EFNA5: variants seen among roughly 807,000 people sequenced by gnomAD.
EFNA5 encodes the protein ephrin A5.
In EFNA5, 5 loss-of-function variants were observed where a neutral mutation model predicts 22.9. The observed-to-expected ratio is 0.22, with a 90% CI of 0.11 to 0.46. The LOEUF is 0.46. EFNA5 is among the 20% of genes least tolerant of loss of function. The probability of loss-of-function intolerance (pLI) is 0.99; values close to 1 mark genes in which losing one functional copy is unlikely to be tolerated. For missense variants in EFNA5, 237 were observed against 293.3 expected, an observed-to-expected ratio of 0.81 and a Z score of 1.40; for synonymous variants, 113 against 112.2, an observed-to-expected ratio of 1.01 and a Z score of -0.04.
chr5:107,569,367 G>GTATA (rs377698812), intron 1 of EFNA5, among the ~76,000 whole-genome samples: 38 of 127,860 alleles, frequency 3.0e-4, no homozygotes, highest in African/African-American at 1.3e-3. Context: ...ATATATACGT[G>GTATA]TATATATATA....
At chr5:107,408,429 T>C (rs987466992) in intron 2 of EFNA5, among the ~76,000 whole-genome samples, 10 of 152,206 alleles carry the variant, frequency 6.6e-5, no homozygotes, top group Non-Finnish European at 2.9e-5. Flanking sequence ...TTTAAAATGC[T>C]CTAGGGCTAT....
At chr5:107,535,099 G>GTATA (rs1747900894) in intron 1 of EFNA5, among the ~76,000 whole-genome samples, 1 of 152,168 alleles carries the variant, frequency 6.6e-6, no homozygotes, top group African/African-American at 2.4e-5. Flanking sequence ...CACACCTGGG[G>GTATA]TATAAATAGA....
At chr5:107,524,819 T>C (rs1002495926) in intron 1 of EFNA5, among the ~76,000 whole-genome samples, 6 of 152,204 alleles carry the variant, frequency 3.9e-5, no homozygotes, top group Non-Finnish European at 7.3e-5. Context: ...GATACCACTT[T>C]TGCAATTTTA....
chr5:107,575,414 C>T (rs1748907862), intron 1 of EFNA5, among the ~76,000 whole-genome samples: 1 of 152,082 alleles, frequency 6.6e-6, no homozygotes, highest in African/African-American at 2.4e-5. Flanking sequence ...AAAATTATGT[C>T]CTCTGAGGGG....
chr5:107,382,722 G>T (rs1397614895), intron 4 of EFNA5, among the ~76,000 whole-genome samples: 1 of 152,152 alleles, frequency 6.6e-6, no homozygotes, highest in East Asian at 1.9e-4. Flanking sequence ...GGGGCCAATA[G>T]TGAGCCCCTG....
chr5:107,459,376 GAA>G (rs199577115), intron 1 of EFNA5, among the ~76,000 whole-genome samples: 5 of 110,162 alleles, frequency 4.5e-5, no homozygotes, highest in Admixed American at 8.9e-5. Context: ...TGGAACACAT[GAA>G]AAAAAAAAAA....
intron 1 of EFNA5, among the ~76,000 whole-genome samples, chr5:107,604,694 T>C (rs1189308917): frequency 2.6e-5 from 4 of 152,230 alleles, no homozygotes; most frequent in African/African-American, 7.2e-5. Context: ...GTAGTATCTA[T>C]ATTCATCACT....
chr5:107,474,749 G>T (rs1346425280), intron 1 of EFNA5, among the ~76,000 whole-genome samples: 2 of 152,096 alleles, frequency 1.3e-5, no homozygotes, highest in Admixed American at 6.6e-5. Context: ...AATATTTTTA[G>T]CAAGAGGCCA....
At chr5:107,582,610 A>C (rs894163095) in intron 1 of EFNA5, among the ~76,000 whole-genome samples, 1 of 151,944 alleles carries the variant, frequency 6.6e-6, no homozygotes, top group Non-Finnish European at 1.5e-5. Context: ...CATAAAAGTG[A>C]CTCCTCCATT....
intron 2 of EFNA5, among the ~76,000 whole-genome samples, chr5:107,396,302 T>A (rs977198310): frequency 6.6e-6 from 1 of 152,242 alleles, no homozygotes; most frequent in African/African-American, 2.4e-5. Flanking sequence ...CTGCTTAACG[T>A]GCCTACGCCT....
intron 1 of EFNA5, among the ~76,000 whole-genome samples, chr5:107,484,857 C>G (rs1185024108): frequency 6.7e-6 from 1 of 149,644 alleles, no homozygotes; most frequent in Non-Finnish European, 1.5e-5. Flanking sequence ...ACAGTAATTA[C>G]CCAATTCAGA....
chr5:107,431,729 T>A (rs1023640353), intron 1 of EFNA5, among the ~76,000 whole-genome samples: 19 of 152,182 alleles, frequency 1.2e-4, no homozygotes, highest in African/African-American at 4.6e-4. Context: ...CCATTTTCAT[T>A]CTTGATGAGG....
Position 107,531,332 on chromosome 5 carries a change from C to T in EFNA5, c.126-103823G>A, listed in dbSNP as rs368136870. On this transcript the variant is annotated intron_variant, in intron 1 of 4. Coordinates refer to ENST00000333274, the MANE Select transcript of EFNA5 (RefSeq NM_001962.3). ...CATTTTAACTCGTATAGCCAGACCA[C>T]GTACTTACTGCAGTGCTCAGGGTGC... Among the ~76,000 whole-genome samples the T allele has an allele frequency of 1.1e-4, 17 of 152,300 alleles. No homozygotes were observed. The South Asian group carries it at 2.7e-3, about 24-fold the overall frequency.
chr5:107,644,177 C>A (rs371397745), intron 1 of EFNA5, among the ~76,000 whole-genome samples: 2 of 152,108 alleles, frequency 1.3e-5, no homozygotes, highest in South Asian at 4.2e-4. Context: ...AAGATGCAGG[C>A]GGAAGGTTTT....
At chr5:107,549,750 G>A (rs1748244571) in intron 1 of EFNA5, among the ~76,000 whole-genome samples, 1 of 152,262 alleles carries the variant, frequency 6.6e-6, no homozygotes, top group African/African-American at 2.4e-5. Context: ...TAAGAGTCCT[G>A]GCAGTGGCCT....
intron 2 of EFNA5, among the ~76,000 whole-genome samples, chr5:107,390,910 A>G (rs558344421): frequency 5.3e-4 from 80 of 152,282 alleles, no homozygotes; most frequent in Non-Finnish European, 8.5e-4. Context: ...TGCAATCCCA[A>G]CACTGTGGGA....
At chr5:107,442,596 T>C (rs963824455) in intron 1 of EFNA5, among the ~76,000 whole-genome samples, 2 of 152,162 alleles carry the variant, frequency 1.3e-5, no homozygotes, top group Non-Finnish European at 2.9e-5. Flanking sequence ...TCCAGCTGAA[T>C]TACAAACTGT....
chr5:107,556,099 C>T (rs1372947773), intron 1 of EFNA5, among the ~76,000 whole-genome samples: 1 of 152,194 alleles, frequency 6.6e-6, no homozygotes, highest in East Asian at 1.9e-4. Context: ...AAGTCAACCC[C>T]ATTGCCTCTC....
At chr5:107,582,742 T>G (rs2112495799) in intron 1 of EFNA5, among the ~76,000 whole-genome samples, 1 of 151,348 alleles carries the variant, frequency 6.6e-6, no homozygotes, top group Middle Eastern at 3.4e-3. Context: ...ATGAAGATCT[T>G]GTACAAAAAA....
Sources: allele counts gnomAD v4.1 joint callset (sites outside exome capture counted in the v4.1 genomes callset), GRCh38; gene constraint gnomAD v4.1.1; transcripts MANE v1.5; gene names NCBI Gene and HGNC (gene_info 2026-07-23, HGNC 2026-07-21).